Variants in HNRNPU observed in about 807,000 individuals in gnomAD.
The protein encoded by HNRNPU is HNRNPU antisense RNA 1.
A neutral mutation model predicts 94.7 loss-of-function variants in HNRNPU; 5 were observed. The observed-to-expected ratio is 0.05, with a 90% CI of 0.03 to 0.11. The LOEUF (loss-of-function observed/expected upper bound fraction) is 0.11. HNRNPU is among the 10% of genes least tolerant of loss of function. The pLI is 1.00. For missense variants in HNRNPU, 710 were observed against 1,049.2 expected (o/e 0.68, Z 4.47); for synonymous variants, 434 against 381.6 (o/e 1.14, Z -1.60).
In HNRNPU at chr1:244,862,520, TGAG is replaced by T; in HGVS notation, c.815_817del (p.Pro272del). On this transcript the variant is annotated inframe_deletion, in exon 3 of 14. Transcript: ENST00000640218. ...TTCATCTTCTTCTTCAACAGGTGGC[TGAG>T]GAGATTTGGCTCTGAAAGACAGAAT... is the stretch of plus-strand genomic sequence containing the variant. The T allele has an allele frequency of 6.2e-7, 1 of 1,613,956 alleles. No individual in the cohort carries two copies. The highest frequency in any genetic ancestry group is 8.5e-7 in the Non-Finnish European group (1 of 1,179,858).
chr1:244,862,576 C>A (rs766934865), intron 2 of HNRNPU, 42 bp from the exon 3 acceptor site: 2 of 1,608,536 alleles, frequency 1.2e-6, no homozygotes, highest in South Asian at 1.1e-5. Flanking sequence ...TTCCGATCAA[C>A]GAACGAATAA....
rs750106010 is a variant in HNRNPU at position 244,863,747 on chromosome 1, G to A, written c.561C>T (p.Ser187=). The A allele has an allele frequency of 1.1e-5, 17 of 1,580,934 alleles. No individual in the cohort carries two copies. Among genetic ancestry groups the A allele is most frequent in the Non-Finnish European group, 1.5e-5 (17 of 1,167,472 alleles). Residue 187 remains serine, a synonymous_variant, in exon 1 of 14, where the codon AGC becomes AGT. Transcript: ENST00000640218. The part of the protein sequence containing the change: ...RGAAKEAAGK[S]SGPTSLFAVT... ...CCGCGAACAGCGAGGTGGGGCCGCTGCTCTTCCCCGCGGCCTCCTTGGCGG... is the reference window on the plus strand; with the variant it reads ...CCGCGAACAGCGAGGTGGGGCCGCTACTCTTCCCCGCGGCCTCCTTGGCGG...
intron 3 of HNRNPU, chr1:244,861,471 T>C (rs1401839070): frequency 6.6e-6 from 1 of 152,144 alleles, no homozygotes; most frequent in Non-Finnish European, 1.5e-5. Flanking sequence ...TCACCTGCAG[T>C]TTTTTCTTTT....
chr1:244,864,197 T>G lies in HNRNPU; in HGVS notation c.111A>C (p.Arg37=), dbSNP rs762374227. The change falls in exon 1 of 14, where the codon CGA becomes CGC. Residue 37 remains arginine, a synonymous_variant. Transcript: ENST00000640218. ...DKGLKAELME[R]LQAALDDEEA... is the part of the protein sequence containing the mutation. ...CCTCGTCGTCCAGCGCAGCCTGGAG[T>G]CGCTCCATGAGCTCGGCCTTGAGAC... 1 of 1,609,932 alleles carries G rather than the reference T, an allele frequency of 6.2e-7. No individual in the cohort carries two copies. The highest frequency in any genetic ancestry group is 1.3e-5 in the African/African-American group (1 of 74,696).
chr1:244,855,793 T>G (rs1429176769), intron 11 of HNRNPU, 111 bp downstream of exon 11: 12 of 1,334,784 alleles, frequency 9.0e-6, no homozygotes, highest in African/African-American at 5.9e-5. Context: ...ATACTTTAGT[T>G]ACTGTGACAG....
rs757950940 is a variant in HNRNPU at position 244,863,855 on chromosome 1, G to T, written c.453C>A (p.Gly151=). 1 of 1,613,422 alleles carries T rather than the reference G, an allele frequency of 6.2e-7. No homozygotes were observed. Among genetic ancestry groups the T allele is most frequent in the Non-Finnish European group, 8.5e-7 (1 of 1,179,860 alleles). ...GEDELGDEEE[G]AGDENGHGEQ... ...CCCCGTGCCCGTTCTCGTCGCCCGC[G>T]CCTTCCTCTTCGTCCCCGAGCTCAT... Residue 151 remains glycine (G), a synonymous_variant, in exon 1 of 14, where the codon GGC becomes GGA. Transcript: ENST00000640218.
chr1:244,858,481 T>C, intron 6 of HNRNPU: 1 of 611,198 alleles, frequency 1.6e-6, no homozygotes, highest in Non-Finnish European at 2.9e-6. Context: ...AATACTGACC[T>C]AGAAGCTAGA....
chr1:244,859,093 T>C (rs1680757246), intron 5 of HNRNPU, 182 bp downstream of exon 5: 2 of 580,020 alleles, frequency 3.4e-6, no homozygotes, highest in Non-Finnish European at 6.1e-6. Flanking sequence ...CATAAACTTC[T>C]AATAAAGGAA....
At chr1:244,855,337 T>A (rs1467400886) in intron 12 of HNRNPU, 87 bp downstream of exon 12, 72 of 1,257,452 alleles carry the variant, frequency 5.7e-5, no homozygotes, top group Admixed American at 7.5e-5. Context: ...TCCTTACGGA[T>A]TACTAAGACA....
rs1207049920 is a variant in HNRNPU, at chr1:244,864,365, C to T, written c.-58G>A. ...CTCAAACTCGGCTCCGCTCACTCGG[C>T]CACTGGTGGCGGCTGCTGCGGCTGC... is the stretch of plus-strand genomic sequence containing the variant. On this transcript the variant is annotated 5_prime_UTR_variant, in exon 1 of 14. Transcript: ENST00000640218. The T allele has an allele frequency of 1.3e-6, 2 of 1,592,046 alleles. No homozygotes were observed. Among genetic ancestry groups the T allele is most frequent in the Admixed American group, 1.9e-5 (1 of 53,068 alleles).
rs1356542757 is a variant in HNRNPU at position 244,852,515 on chromosome 1, G to A, written c.*1935C>T. 6.6e-6 allele frequency: 1 copy of A among 152,276 alleles called. No homozygotes were observed. The highest frequency in any genetic ancestry group is 1.9e-4 in the East Asian group (1 of 5,190). 9.4% of individuals were successfully genotyped at this position (152,276 alleles called of 1,614,324 possible). A position where few individuals can be genotyped will look rare whatever the true frequency, so the allele number is the denominator to read the frequency against. On this transcript the variant is annotated 3_prime_UTR_variant, in exon 14 of 14. Transcript: ENST00000640218. ...AAACCTGAAACTGTTCCTCTAGTAA[G>A]TCTATGCAATCCTAATAATGTATAC...
intron 3 of HNRNPU, chr1:244,860,705 A>C: frequency 1.8e-6 from 1 of 564,924 alleles, no homozygotes; most frequent in Admixed American, 3.5e-5. Context: ...ACCAAGGTTT[A>C]ACATGTATAT....
intron 3 of HNRNPU, chr1:244,861,615 TTCC>T (rs1242163189): frequency 3.3e-5 from 5 of 152,166 alleles, no homozygotes; most frequent in African/African-American, 1.2e-4. Flanking sequence ...CTCCAATGCC[TTCC>T]ATCTAACACA....
chr1:244,856,172 A>G lies in HNRNPU; in HGVS notation c.1913-14T>C, dbSNP rs560347792. 12 of 1,589,468 alleles carry G rather than the reference A, an allele frequency of 7.5e-6. No individual in the cohort carries two copies. The African/African-American group carries it at 1.4e-4, about 18-fold the overall frequency. ...GGGTAAAGTTTCCTGCAGGAAACAA[A>G]GTCATATTATTAATTTAGAAACCCA... is the stretch of plus-strand genomic sequence containing the variant. On this transcript the variant is annotated splice_polypyrimidine_tract_variant and intron_variant, in intron 10 of 13. Transcript: ENST00000640218.
chr1:244,859,292 G>A lies in HNRNPU; in HGVS notation c.1100C>T (p.Thr367Ile), dbSNP rs1239640794. 1 of 1,566,898 alleles carries A rather than the reference G, an allele frequency of 6.4e-7. No homozygotes were observed. The highest frequency in any genetic ancestry group is 8.8e-7 in the Non-Finnish European group (1 of 1,137,406). Reference protein sequence around the residue: ...HEVRIGWSLTTSGMLLGEEEF... With the variant: ...HEVRIGWSLTISGMLLGEEEF... ...AGCTTTACCAAGTAACATTCCACTT[G>A]TAGTTAGTGACCAGCCAATACGAAC... Residue 367 changes from threonine (T) to isoleucine (I), a missense_variant, in exon 5 of 14, where the codon ACA becomes ATA. Thr to Ile is a moderately conservative substitution (Grantham distance 89, BLOSUM62 -1). This residue lies in a region of HNRNPU where 150 missense variants were observed against 187.9 expected (regional missense o/e 0.80). Transcript: ENST00000640218.
At chr1:244,854,863 T>A in intron 13 of HNRNPU, 110 bp downstream of exon 13, 1 of 920,472 alleles carries the variant, frequency 1.1e-6, no homozygotes, top group Non-Finnish European at 1.8e-6. Context: ...CTTTACCCTA[T>A]TAACACTTAT....
chr1:244,858,350 G>A lies in HNRNPU; in HGVS notation c.1231-76C>T, dbSNP rs974995220. The A allele has an allele frequency of 5.0e-5, 68 of 1,363,946 alleles. No individual in the cohort carries two copies. The Admixed American group carries it at 1.4e-3, about 27-fold the overall frequency. The allele number at this position is 1,363,946 out of a possible 1,614,324, so 84.5% of individuals were successfully genotyped here. A position where few individuals can be genotyped will look rare whatever the true frequency, so the allele number is the denominator to read the frequency against. ...CTAAAAAACTAAGAATTAAAATTAG[G>A]AGCAAAGCTTATCCTGTGGAAGCTA... On this transcript the variant is annotated intron_variant, in intron 6 of 13. Coordinates refer to ENST00000640218, the MANE Select transcript of HNRNPU (RefSeq NM_031844.3).
chr1:244,857,285 G>A (rs1313794311), intron 8 of HNRNPU: 8 of 234,174 alleles, frequency 3.4e-5, no homozygotes, highest in African/African-American at 2.4e-5. Context: ...TTGCTCTGTC[G>A]CCCAGACTGG....
At position 244,864,519 on chromosome 1, in the gene HNRNPU, G is replaced by A. The variant is rs1680950026; in HGVS notation, c.-212C>T. The A allele has an allele frequency of 1.3e-5, 10 of 744,668 alleles. No homozygotes were observed. The highest frequency in any genetic ancestry group is 2.0e-5 in the Non-Finnish European group (10 of 491,886). 46.1% of individuals were successfully genotyped at this position (744,668 alleles called of 1,614,324 possible). A position where few individuals can be genotyped will look rare whatever the true frequency, so the allele number is the denominator to read the frequency against. ...CGAGGGAGACGCGGAGACTCGCCTG[G>A]CGCGAGCGAGCACGCAACGTCCTCT... is the stretch of plus-strand genomic sequence containing the variant. On this transcript the variant is annotated 5_prime_UTR_variant, in exon 1 of 14. Transcript: ENST00000640218.
Sources: allele counts gnomAD v4.1 joint callset, GRCh38; gene constraint gnomAD v4.1.1; regional missense constraint gnomAD v4.1.1; transcripts MANE v1.5; gene names NCBI Gene and HGNC (gene_info 2026-07-23, HGNC 2026-07-21).